LRP2: variants seen among roughly 807,000 people sequenced by gnomAD.
The protein encoded by LRP2 is low-density lipoprotein receptor-related protein 2.
LRP2 carries 172 observed loss-of-function variants against 531.0 expected under a neutral mutation model. The observed-to-expected ratio is 0.32, with a 90% confidence interval of 0.29 to 0.37. The LOEUF (loss-of-function observed/expected upper bound fraction) is 0.37. Among genes scored for constraint, LRP2 ranks in the 10% least tolerant of loss-of-function variants. The pLI, the probability that LRP2 is intolerant of heterozygous loss-of-function variation, is 1.00. For missense variants in LRP2, 5,167 were observed against 5,868.3 expected (o/e 0.88, Z 3.90); for synonymous variants, 1,992 against 2,027.6 (o/e 0.98, Z 0.47).
chr2:169,276,030 A>G (rs150168390), intron 13 of LRP2, among the ~76,000 whole-genome samples: 4 of 152,224 alleles, frequency 2.6e-5, no homozygotes, highest in East Asian at 3.9e-4. Flanking sequence ...AAAGACCTCA[A>G]AGAAAAATCT....
chr2:169,304,519 A>G (rs1023220483), intron 4 of LRP2, among the ~76,000 whole-genome samples: 1 of 152,214 alleles, frequency 6.6e-6, no homozygotes, highest in Non-Finnish European at 1.5e-5. Flanking sequence ...CATATGGTTT[A>G]TCATTATTAT....
chr2:169,259,032 A>C lies in LRP2; in HGVS notation c.2506T>G (p.Phe836Val), dbSNP rs774603758. 1 of 1,613,244 alleles carries C rather than the reference A, an allele frequency of 6.2e-7. No homozygotes were observed. ...AAACATGAACACACTTACCCGGCAA[A>C]AGGATGAACTACCACCGACCGTGGG... ...NNPRSVVVHP[F>V]AGYLFFTDWF... The change falls in exon 17 of 79, where the codon TTT becomes GTT. Residue 836 changes from phenylalanine (F) to valine (V), a missense_variant. Transcript: ENST00000649046.
At chr2:169,342,499 A>G (rs957223339) in intron 1 of LRP2, among the ~76,000 whole-genome samples, 1 of 152,198 alleles carries the variant, frequency 6.6e-6, no homozygotes, top group Non-Finnish European at 1.5e-5. Context: ...TTCTTTTTAC[A>G]AAATGAAAAT....
At position 169,231,704 on chromosome 2, in the gene LRP2, C is replaced by G; in HGVS notation, c.5227+10G>C. 1 of 1,613,790 alleles carries G rather than the reference C, an allele frequency of 6.2e-7. No homozygotes were observed. Among genetic ancestry groups the G allele is most frequent in the Non-Finnish European group, 8.5e-7 (1 of 1,179,860 alleles). The stretch of plus-strand genomic sequence containing the variant: ...CCATCTTCAGAGCTCACATAAGGAG[C>G]ATACTATACCTCTCAAGCAATTCAG... On this transcript the variant is annotated intron_variant, in intron 31 of 78. Transcript: ENST00000649046.
At position 169,212,211 on chromosome 2, in the gene LRP2, A is replaced by T; in HGVS notation, c.6041-4T>A. 6.2e-7 allele frequency: 1 copy of T among 1,613,946 alleles called. No homozygotes were observed. The highest frequency in any genetic ancestry group is 8.5e-7 in the Non-Finnish European group (1 of 1,179,872). On this transcript the variant is annotated splice_region_variant and splice_polypyrimidine_tract_variant and intron_variant, in intron 36 of 78. Transcript: ENST00000649046. ...CCATTTGAGGATTCGGCGGCATCTA[A>T]ATGAAAACAAAATCCATTTGTAACT...
chr2:169,353,091 G>A (rs16856840), intron 1 of LRP2, among the ~76,000 whole-genome samples: 7,906 of 152,160 alleles, frequency 0.052, 451 homozygotes, highest in East Asian at 0.28. Context: ...TTTAGTAAGG[G>A]TGAGTTTTGA....
At chr2:169,270,518 A>T (rs1683377999) in intron 16 of LRP2, among the ~76,000 whole-genome samples, 1 of 150,702 alleles carries the variant, frequency 6.6e-6, no homozygotes, top group South Asian at 2.1e-4. Context: ...AGAAAACCAA[A>T]CACCACATGT....
At chr2:169,331,839 T>C (rs1467372010) in intron 1 of LRP2, among the ~76,000 whole-genome samples, 1 of 152,188 alleles carries the variant, frequency 6.6e-6, no homozygotes, top group African/African-American at 2.4e-5. Flanking sequence ...CTATACGGCT[T>C]TTTGATTAGC....
chr2:169,257,825 C>CAAAA (rs74268259), intron 17 of LRP2, among the ~76,000 whole-genome samples: 1 of 132,356 alleles, frequency 7.6e-6, no homozygotes, highest in African/African-American at 2.8e-5. Flanking sequence ...AAAACAAAAA[C>CAAAA]AAAAAAAAAA....
At chr2:169,325,126 T>C (rs2105523215) in intron 1 of LRP2, among the ~76,000 whole-genome samples, 1 of 152,106 alleles carries the variant, frequency 6.6e-6, no homozygotes, top group Non-Finnish European at 1.5e-5. Context: ...CTTTTACCCG[T>C]TCCTTGTAAG....
At chr2:169,158,905 T>A (rs1686465419) in intron 63 of LRP2, among the ~76,000 whole-genome samples, 1 of 151,882 alleles carries the variant, frequency 6.6e-6, no homozygotes, top group African/African-American at 2.4e-5. Flanking sequence ...ATGATCCCTG[T>A]TATTCTGATC....
At chr2:169,247,549 G>A (rs1279619266) in intron 19 of LRP2, 34 bp from the exon 20 acceptor site, 5 of 1,611,726 alleles carry the variant, frequency 3.1e-6, no homozygotes, top group African/African-American at 1.3e-5. Context: ...AGTATTTTCA[G>A]TCACAGCTAA....
At chr2:169,130,322 C>G (rs1185624136) in intron 77 of LRP2, among the ~76,000 whole-genome samples, 1 of 147,294 alleles carries the variant, frequency 6.8e-6, no homozygotes, top group Non-Finnish European at 1.5e-5. Flanking sequence ...AAGTCTCACT[C>G]TGTCGCCTAG....
intron 52 of LRP2, among the ~76,000 whole-genome samples, chr2:169,178,657 G>A (rs535197649): frequency 3.5e-4 from 54 of 152,260 alleles, no homozygotes; most frequent in South Asian, 1.5e-3. Context: ...AAGGTTCTCC[G>A]ATTTCAAGAT....
chr2:169,144,448 AGG>A (rs1558976408), intron 70 of LRP2, among the ~76,000 whole-genome samples: 15 of 442 alleles, frequency 0.034, no homozygotes, highest in African/African-American at 0.33. Flanking sequence ...CAGCTGCCGG[AGG>A]GAGATGCTTT....
At chr2:169,349,126 G>T (rs1333332453) in intron 1 of LRP2, among the ~76,000 whole-genome samples, 1 of 152,136 alleles carries the variant, frequency 6.6e-6, no homozygotes, top group African/African-American at 2.4e-5. Context: ...TTACATCTTA[G>T]GGAAGGGAAG....
At chr2:169,307,457 T>C in intron 3 of LRP2, 60 bp from the exon 4 acceptor site, 1 of 992,700 alleles carries the variant, frequency 1.0e-6, no homozygotes, top group Non-Finnish European at 1.6e-6. Context: ...GACTAATCTA[T>C]TGTCATTAAC....
intron 63 of LRP2, among the ~76,000 whole-genome samples, 164 bp from the exon 64 acceptor site, chr2:169,157,666 C>T (rs1052962588): frequency 2.0e-5 from 3 of 151,962 alleles, no homozygotes; most frequent in African/African-American, 7.3e-5. Context: ...GTCAGGATTC[C>T]TATTTCTGAT....
At chr2:169,230,111 T>C (rs1402900847) in intron 31 of LRP2, among the ~76,000 whole-genome samples, 1 of 152,240 alleles carries the variant, frequency 6.6e-6, no homozygotes, top group Non-Finnish European at 1.5e-5. Context: ...CAAAAGGCAC[T>C]ATTTAAAATT....
Sources: allele counts gnomAD v4.1 joint callset (sites outside exome capture counted in the v4.1 genomes callset), GRCh38; gene constraint gnomAD v4.1.1; transcripts MANE v1.5; gene names NCBI Gene and HGNC (gene_info 2026-07-23, HGNC 2026-07-21).